SH3GLB1: variants seen among roughly 807,000 people sequenced by gnomAD.
SH3GLB1 encodes SH3 domain containing GRB2 like, endophilin B1.
A neutral mutation model predicts 42.0 loss-of-function variants in SH3GLB1; 17 were observed. The ratio of observed to expected loss-of-function variants is 0.40; its 90% CI spans 0.28 to 0.61. The LOEUF is 0.61. Ranked by LOEUF, SH3GLB1 falls within the 20% of genes least tolerant of loss-of-function variation. The probability of loss-of-function intolerance (pLI) is 0.36; values close to 1 mark genes in which losing one functional copy is unlikely to be tolerated. For synonymous variants in SH3GLB1, 132 were observed against 146.6 expected (o/e 0.90, Z 0.72); for missense variants, 355 against 426.3 (o/e 0.83, Z 1.47).
In SH3GLB1 at chr1:86,704,852, C is replaced by T. The variant is rs770926363; in HGVS notation, c.-48C>T. 2 of 1,386,184 alleles carry T rather than the reference C, an allele frequency of 1.4e-6. No homozygotes were observed. The highest frequency in any genetic ancestry group is 2.0e-6 in the Non-Finnish European group (2 of 1,016,242). 85.9% of individuals were successfully genotyped at this position (1,386,184 alleles called of 1,614,324 possible). On this transcript the variant is annotated 5_prime_UTR_variant, in exon 1 of 9. Transcript: ENST00000370558. ...CGCCCCAGCCCGGCCGCGGCACCTC[C>T]GCCTCGCCGCCGCTAGGTCGGCCGG...
At chr1:86,724,261 T>C (rs1210749222) in intron 4 of SH3GLB1, 52 bp from the exon 5 acceptor site, 1 of 1,299,126 alleles carries the variant, frequency 7.7e-7, no homozygotes, top group African/African-American at 1.5e-5. Context: ...TGTATGCTCT[T>C]AACAGAATTT....
chr1:86,709,425 T>A (rs1296919306), intron 1 of SH3GLB1, among the ~76,000 whole-genome samples: 2 of 152,212 alleles, frequency 1.3e-5, no homozygotes, highest in Non-Finnish European at 2.9e-5. Context: ...ATAAATTGAG[T>A]ACCTCCTAGG....
intron 5 of SH3GLB1, among the ~76,000 whole-genome samples, chr1:86,731,082 C>G (rs1350602466): frequency 6.6e-6 from 1 of 152,134 alleles, no homozygotes; most frequent in Non-Finnish European, 1.5e-5. Context: ...GCAGTTCTGT[C>G]TGTGTTACCA....
chr1:86,735,039 G>T, intron 6 of SH3GLB1, 40 bp from the exon 7 acceptor site: 1 of 1,485,424 alleles, frequency 6.7e-7, no homozygotes, highest in South Asian at 1.1e-5. Context: ...CATTTAAGTT[G>T]ACTATACAGC....
intron 2 of SH3GLB1, 92 bp downstream of exon 2, chr1:86,715,957 G>A: frequency 7.3e-7 from 1 of 1,360,652 alleles, no homozygotes; most frequent in Non-Finnish European, 1.0e-6. Flanking sequence ...TGAAAACATA[G>A]GATTTTTTTA....
intron 7 of SH3GLB1, among the ~76,000 whole-genome samples, chr1:86,737,794 A>G (rs563990726): frequency 6.6e-6 from 1 of 152,290 alleles, no homozygotes; most frequent in South Asian, 2.1e-4. Flanking sequence ...GCAGGAAACT[A>G]CTTTGATGGG....
chr1:86,733,376 G>A (rs961434991), intron 5 of SH3GLB1, among the ~76,000 whole-genome samples: 2 of 152,156 alleles, frequency 1.3e-5, no homozygotes, highest in Non-Finnish European at 2.9e-5. Flanking sequence ...ACCAAAGGAT[G>A]AGGAGAGGGA....
At chr1:86,712,475 T>G (rs1159967069) in intron 1 of SH3GLB1, among the ~76,000 whole-genome samples, 1 of 152,214 alleles carries the variant, frequency 6.6e-6, no homozygotes, top group Non-Finnish European at 1.5e-5. Context: ...ACAAAGTGTT[T>G]AATCACCCTG....
intron 3 of SH3GLB1, among the ~76,000 whole-genome samples, chr1:86,721,679 T>A (rs191121893): frequency 6.6e-6 from 1 of 152,334 alleles, no homozygotes; most frequent in Admixed American, 6.5e-5. Context: ...TACTTATAGA[T>A]ACTTCAGATG....
At chr1:86,717,503 T>C (rs1654603039) in intron 2 of SH3GLB1, among the ~76,000 whole-genome samples, 1 of 151,554 alleles carries the variant, frequency 6.6e-6, no homozygotes, top group Non-Finnish European at 1.5e-5. Context: ...CACTGCAACC[T>C]CCACCTCCTG....
At chr1:86,708,276 A>T (rs959186133) in intron 1 of SH3GLB1, among the ~76,000 whole-genome samples, 1 of 152,320 alleles carries the variant, frequency 6.6e-6, no homozygotes, top group South Asian at 2.1e-4. Context: ...ACCAAGTTTC[A>T]TGCTAAGAAT....
At chr1:86,736,911 C>T (rs1181086925) in intron 7 of SH3GLB1, among the ~76,000 whole-genome samples, 1 of 152,172 alleles carries the variant, frequency 6.6e-6, no homozygotes, top group Non-Finnish European at 1.5e-5. Context: ...TCCAGCTTCA[C>T]ACTAACACAT....
intron 8 of SH3GLB1, 77 bp from the exon 9 acceptor site, chr1:86,743,046 CAAATT>C (rs377656290): frequency 3.3e-4 from 354 of 1,088,012 alleles, no homozygotes; most frequent in Non-Finnish European, 4.7e-4. Flanking sequence ...ATAATTTAAA[CAAATT>C]AAATACAAAT....
At chr1:86,734,949 A>G (rs1160644110) in intron 6 of SH3GLB1, 130 bp from the exon 7 acceptor site, 12 of 703,698 alleles carry the variant, frequency 1.7e-5, no homozygotes, top group Admixed American at 5.3e-5. Context: ...GCCAATCTTA[A>G]TAAGCCTTGT....
In SH3GLB1 at chr1:86,722,592, C is replaced by T. The variant is rs1558310916; in HGVS notation, c.396C>T (p.Asp132=). The change falls in exon 4 of 9, where the codon GAC becomes GAT. Residue 132 remains aspartate (D), a synonymous_variant. Coordinates refer to ENST00000370558, the MANE Select transcript of SH3GLB1 (RefSeq NM_016009.5). ...CCCAAAAAAGAATTGGAACAGCAGA[C>T]AGAGAACTGATTCAAACGTCAGCCT... The part of the protein sequence containing the change: ...GETQKRIGTA[D]RELIQTSALN... The T allele has an allele frequency of 6.2e-7, 1 of 1,609,992 alleles. No individual in the cohort carries two copies. The highest frequency in any genetic ancestry group is 1.7e-5 in the Admixed American group (1 of 59,550).
intron 1 of SH3GLB1, among the ~76,000 whole-genome samples, chr1:86,706,307 C>T (rs1388145744): frequency 6.6e-6 from 1 of 152,146 alleles, no homozygotes; most frequent in African/African-American, 2.4e-5. Context: ...CCTAGAGAGA[C>T]CTTAAAAATC....
At position 86,724,366 on chromosome 1, in the gene SH3GLB1, G is replaced by T; in HGVS notation, c.531G>T (p.Thr177=). Residue 177 remains threonine (T), a synonymous_variant, in exon 5 of 9, where the codon ACG becomes ACT. Coordinates refer to ENST00000370558, the MANE Select transcript of SH3GLB1 (RefSeq NM_016009.5). ...GACTGGATTTGGATGCTGCAAAAAC[G>T]AGACTAAAAAAGGCAAAAGCTGCAG... ...NKRLDLDAAK[T]RLKKAKAAET... The T allele has an allele frequency of 6.2e-7, 1 of 1,604,032 alleles. No individual in the cohort carries two copies. Among genetic ancestry groups the T allele is most frequent in the Non-Finnish European group, 8.5e-7 (1 of 1,177,126 alleles).
At chr1:86,729,042 A>G (rs1208369054) in intron 5 of SH3GLB1, among the ~76,000 whole-genome samples, 3 of 152,190 alleles carry the variant, frequency 2.0e-5, no homozygotes, top group African/African-American at 4.8e-5. Flanking sequence ...GGGAAAGAAT[A>G]GAGAATGCAG....
chr1:86,742,909 C>T (rs954685052), intron 8 of SH3GLB1, among the ~76,000 whole-genome samples: 7 of 152,044 alleles, frequency 4.6e-5, no homozygotes, highest in African/African-American at 1.2e-4. Context: ...TGCAGTGAGC[C>T]GTGATCATGC....
Sources: gnomAD v4.1 joint callset for allele counts (sites outside exome capture counted in the v4.1 genomes callset) on GRCh38, gnomAD v4.1.1 for gene constraint, MANE v1.5 for transcripts, NCBI Gene and HGNC (gene_info 2026-07-23, HGNC 2026-07-21) for gene names.